OSBPL3: variants seen among roughly 807,000 people sequenced by gnomAD.
The protein encoded by OSBPL3 is oxysterol binding protein like 3, also known as oxysterol-binding protein-related protein 3.
A neutral mutation model predicts 120.1 loss-of-function variants in OSBPL3; 65 were observed. The observed-to-expected ratio is 0.54, with a 90% CI of 0.44 to 0.67. OSBPL3 has a LOEUF of 0.67. OSBPL3 is among the 30% of genes least tolerant of loss of function. The probability of loss-of-function intolerance (pLI) is 0.00; values close to 1 mark genes in which losing one functional copy is unlikely to be tolerated. For synonymous variants in OSBPL3, 416 were observed against 402.6 expected, an observed-to-expected ratio of 1.03 and a Z score of -0.40; for missense variants, 1,004 against 1,082.1, an observed-to-expected ratio of 0.93 and a Z score of 1.01.
intron 1 of OSBPL3, among the ~76,000 whole-genome samples, chr7:24,904,918 G>GGTGTGTGTGTGTGTGTGTGTGT (rs67222925): frequency 5.9e-4 from 78 of 132,948 alleles, no homozygotes; most frequent in Non-Finnish European, 7.5e-4. Flanking sequence ...ATAATATACA[G>GGTGTGTGTGTGTGTGTGTGTGT]GTGTGTGTGT....
rs903464894 is a variant in OSBPL3 at position 24,881,525 on chromosome 7, C to T, written c.97-9456G>A. 2.0e-5 allele frequency among the ~76,000 whole-genome samples: 3 copies of T among 152,066 alleles called. No homozygotes were observed. The highest frequency in any genetic ancestry group is 4.4e-5 in the Non-Finnish European group (3 of 68,024). The stretch of plus-strand genomic sequence containing the variant: ...ATTACAAATGTTAATAAAAGGGATA[C>T]CACAAGGTTGAAAATTTGTAAATTG... On this transcript the variant is annotated intron_variant, in intron 2 of 22. Coordinates refer to ENST00000313367, the MANE Select transcript of OSBPL3 (RefSeq NM_015550.4). The surrounding 1 kb of genome is among the most constrained non-coding windows in gnomAD (Gnocchi z 4.3).
At position 24,899,176 on chromosome 7, in the gene OSBPL3, C is replaced by G. The variant is rs117427275; in HGVS notation, c.-149-6555G>C. 0.011 allele frequency among the ~76,000 whole-genome samples: 1,740 copies of G among 152,294 alleles called. 12 individuals are homozygous for G. Among genetic ancestry groups the G allele is most frequent in the Non-Finnish European group, 0.019 (1,288 of 68,032 alleles). On this transcript the variant is annotated intron_variant, in intron 1 of 22. Coordinates refer to ENST00000313367, the MANE Select transcript of OSBPL3 (RefSeq NM_015550.4). This position sits in a 1 kb window ranked among gnomAD's most constrained non-coding sequence, Gnocchi z 4.0. ...TCCCAGATGTTCAACTTTGATCACC[C>G]TTCAATTTGTGCTTCTCTAACAGTG...
chr7:24,867,816 G>T lies in OSBPL3; in HGVS notation c.382-1579C>A, dbSNP rs748696544. Among the ~76,000 whole-genome samples the T allele has an allele frequency of 6.6e-6, 1 of 152,106 alleles. No individual in the cohort carries two copies. Among genetic ancestry groups the T allele is most frequent in the Non-Finnish European group, 1.5e-5 (1 of 68,012 alleles). ...ACTCTCAGAAATAAAGCACTATACA[G>T]CAATAGTATTATTTTTCTAACTTTT... On this transcript the variant is annotated intron_variant, in intron 5 of 22. Transcript: ENST00000313367. This position sits in a 1 kb window ranked among gnomAD's most constrained non-coding sequence, Gnocchi z 4.5.
Position 24,968,553 on chromosome 7 carries a change from C to A in OSBPL3, c.-150+11333G>T, listed in dbSNP as rs774060242. On this transcript the variant is annotated intron_variant, in intron 1 of 22. Transcript: ENST00000313367. The surrounding 1 kb of genome is among the most constrained non-coding windows in gnomAD (Gnocchi z 4.6). ...CCGGGATTACAGGCACACACCACCA[C>A]GCCCAGCTAATTTTTTTATTTTTAG... Among the ~76,000 whole-genome samples the A allele has an allele frequency of 6.6e-6, 1 of 152,176 alleles. No homozygotes were observed. Among genetic ancestry groups the A allele is most frequent in the Non-Finnish European group, 1.5e-5 (1 of 68,044 alleles).
rs964187746 is a variant in OSBPL3, at chr7:24,819,029, C to T, written c.1948+1146G>A. On this transcript the variant is annotated intron_variant, in intron 17 of 22. Transcript: ENST00000313367. The surrounding 1 kb of genome is among the most constrained non-coding windows in gnomAD (Gnocchi z 4.1). The stretch of plus-strand genomic sequence containing the variant: ...CAGCATTTTGGGAGGCCGAGGCAGG[C>T]GGATCACAAGGTCAAGAGATCAAGA... Among the ~76,000 whole-genome samples the T allele has an allele frequency of 1.3e-5, 2 of 151,764 alleles. No individual in the cohort carries two copies. Among genetic ancestry groups the T allele is most frequent in the Admixed American group, 6.6e-5 (1 of 15,202 alleles).
chr7:24,833,978 G>T lies in OSBPL3; in HGVS notation c.1746+508C>A. On this transcript the variant is annotated intron_variant, in intron 15 of 22. Coordinates refer to ENST00000313367, the MANE Select transcript of OSBPL3 (RefSeq NM_015550.4). The surrounding 1 kb of genome is among the most constrained non-coding windows in gnomAD (Gnocchi z 4.4). Reference sequence around the variant, plus strand: ...AAAATAAGAGGGAGAGAGAAAAAAAGAATATTTCTGATGTGAAAACCTCCT... The same window carrying T: ...AAAATAAGAGGGAGAGAGAAAAAAATAATATTTCTGATGTGAAAACCTCCT... 2 of 383,796 alleles carry T rather than the reference G, an allele frequency of 5.2e-6. No individual in the cohort carries two copies. The highest frequency in any genetic ancestry group is 7.1e-6 in the Non-Finnish European group (2 of 280,172). The allele number at this position is 383,796 out of a possible 1,614,324, so 23.8% of individuals were successfully genotyped here.
At position 24,803,178 on chromosome 7, in the gene OSBPL3, A is replaced by C. The variant is rs375392615; in HGVS notation, c.2567+1137T>G. On this transcript the variant is annotated intron_variant, in intron 22 of 22. Coordinates refer to ENST00000313367, the MANE Select transcript of OSBPL3 (RefSeq NM_015550.4). This position sits in a 1 kb window ranked among gnomAD's most constrained non-coding sequence, Gnocchi z 4.2. ...TGTTGTCCACTAAAAACAAACAAAAACACAAACAAAAAACATCCCAAAACA... is the reference window on the plus strand; with the variant it reads ...TGTTGTCCACTAAAAACAAACAAAACCACAAACAAAAAACATCCCAAAACA... Among the ~76,000 whole-genome samples the C allele has an allele frequency of 9.2e-5, 14 of 152,256 alleles. No homozygotes were observed. The highest frequency in any genetic ancestry group is 3.1e-4 in the African/African-American group (13 of 41,474).
At position 24,866,366 on chromosome 7, in the gene OSBPL3, A is replaced by G; in HGVS notation, c.382-129T>C. 6.9e-6 allele frequency: 5 copies of G among 727,002 alleles called. No homozygotes were observed. The South Asian group carries it at 8.0e-5, about 12-fold the overall frequency. 45.0% of individuals were successfully genotyped at this position (727,002 alleles called of 1,614,324 possible). A position where few individuals can be genotyped will look rare whatever the true frequency, so the allele number is the denominator to read the frequency against. On this transcript the variant is annotated intron_variant, in intron 5 of 22. Coordinates refer to ENST00000313367, the MANE Select transcript of OSBPL3 (RefSeq NM_015550.4). ...GCACGTAATTTCAACAGCCAGGCGC[A>G]GTGGCTGATGCCTGTAATTCCAGCA...
At chr7:24,844,261 T>G (rs1277674769) in intron 12 of OSBPL3, among the ~76,000 whole-genome samples, 1 of 152,238 alleles carries the variant, frequency 6.6e-6, no homozygotes, top group Non-Finnish European at 1.5e-5. Context: ...TACAAAAAGT[T>G]AAATCAAGCG....
chr7:24,900,321 T>C lies in OSBPL3; in HGVS notation c.-149-7700A>G, dbSNP rs113776443. Among the ~76,000 whole-genome samples the C allele has an allele frequency of 1.3e-5, 2 of 152,358 alleles. No homozygotes were observed. Among genetic ancestry groups the C allele is most frequent in the African/African-American group, 4.8e-5 (2 of 41,586 alleles). On this transcript the variant is annotated intron_variant, in intron 1 of 22. Transcript: ENST00000313367. This position sits in a 1 kb window ranked among gnomAD's most constrained non-coding sequence, Gnocchi z 4.5. Reference sequence around the variant, plus strand: ...CAGGTCCTCGAGTAATGTTGTTTTATTTAACTTTGTTATTTAGAAGTTTGG... The same window carrying C: ...CAGGTCCTCGAGTAATGTTGTTTTACTTAACTTTGTTATTTAGAAGTTTGG...
At position 24,852,197 on chromosome 7, in the gene OSBPL3, T is replaced by C. The variant is rs1325336733; in HGVS notation, c.1158+307A>G. On this transcript the variant is annotated intron_variant, in intron 11 of 22. Coordinates refer to ENST00000313367, the MANE Select transcript of OSBPL3 (RefSeq NM_015550.4). This position sits in a 1 kb window ranked among gnomAD's most constrained non-coding sequence, Gnocchi z 4.1. ...GATTTTGTAAGCATTAACAGAAAAA[T>C]GTCTGTAAGACACGCACACATACAC... 6.6e-6 allele frequency among the ~76,000 whole-genome samples: 1 copy of C among 152,108 alleles called. No homozygotes were observed. The highest frequency in any genetic ancestry group is 2.4e-5 in the African/African-American group (1 of 41,408).
rs1327476266 is a variant in OSBPL3 at position 24,854,736 on chromosome 7, A to G, written c.1028-2102T>C. Among the ~76,000 whole-genome samples the G allele has an allele frequency of 2.0e-5, 3 of 152,174 alleles. No homozygotes were observed. Among genetic ancestry groups the G allele is most frequent in the African/African-American group, 7.2e-5 (3 of 41,434 alleles). ...TGGATTCTTCCCCACTCCATCACCT[A>G]TTAACTCCATGACCTTGGATGAGTA... On this transcript the variant is annotated intron_variant, in intron 10 of 22. Transcript: ENST00000313367. The surrounding 1 kb of genome is among the most constrained non-coding windows in gnomAD (Gnocchi z 4.1).
rs139081664 is a variant in OSBPL3 at position 24,893,183 on chromosome 7, T to C, written c.-149-562A>G. On this transcript the variant is annotated intron_variant, in intron 1 of 22. Transcript: ENST00000313367. ...ACAAAAAGTTGCAGACCAATGTTCA[T>C]AGCAATGTTATTCACAATAGTCAAA... 1.5e-3 allele frequency among the ~76,000 whole-genome samples: 228 copies of C among 152,306 alleles called. 1 individual carries two copies. Among genetic ancestry groups the C allele is most frequent in the African/African-American group, 5.2e-3 (216 of 41,574 alleles).
chr7:24,871,053 G>C lies in OSBPL3; in HGVS notation c.268-208C>G, dbSNP rs1449559852. Among the ~76,000 whole-genome samples the C allele has an allele frequency of 6.6e-6, 1 of 152,224 alleles. No homozygotes were observed. The highest frequency in any genetic ancestry group is 1.5e-5 in the Non-Finnish European group (1 of 68,044). On this transcript the variant is annotated intron_variant, in intron 4 of 22. Transcript: ENST00000313367. This position sits in a 1 kb window ranked among gnomAD's most constrained non-coding sequence, Gnocchi z 4.8. Reference sequence around the variant, plus strand: ...TAGGAAGTACTCTCCCCATTTTACAGATGAAGAAACTGGAGTACAAAGGGG... The same window carrying C: ...TAGGAAGTACTCTCCCCATTTTACACATGAAGAAACTGGAGTACAAAGGGG...
At chr7:24,838,899 T>C (rs1032438606) in intron 14 of OSBPL3, among the ~76,000 whole-genome samples, 22 of 148,132 alleles carry the variant, frequency 1.5e-4, no homozygotes, top group African/African-American at 4.9e-4. Flanking sequence ...ACCCACTGGT[T>C]CTTAGACCTT....
intron 1 of OSBPL3, among the ~76,000 whole-genome samples, chr7:24,931,484 T>C (rs768675542): frequency 3.3e-5 from 5 of 151,902 alleles, no homozygotes; most frequent in African/African-American, 7.3e-5. Context: ...AATGTGATGA[T>C]GGAAACAGAG....
intron 1 of OSBPL3, among the ~76,000 whole-genome samples, chr7:24,945,069 G>A (rs528688477): frequency 4.3e-4 from 66 of 152,244 alleles, no homozygotes; most frequent in African/African-American, 1.5e-3. Context: ...TGAGTATCAA[G>A]TCTTGGGTGG....
chr7:24,809,970 G>C lies in OSBPL3; in HGVS notation c.2173-19C>G. On this transcript the variant is annotated intron_variant, in intron 19 of 22. Transcript: ENST00000313367. Reference sequence around the variant, plus strand: ...ATTTTGCCTAGGATTCAAATGAGTTGTTGGCTTAGTCCTTTAGCATCAGCT... The same window carrying C: ...ATTTTGCCTAGGATTCAAATGAGTTCTTGGCTTAGTCCTTTAGCATCAGCT... 6.2e-7 allele frequency: 1 copy of C among 1,613,776 alleles called. No homozygotes were observed. Among genetic ancestry groups the C allele is most frequent in the Non-Finnish European group, 8.5e-7 (1 of 1,179,654 alleles).
In OSBPL3 at chr7:24,966,482, T is replaced by A. The variant is rs1379686829; in HGVS notation, c.-150+13404A>T. 1.3e-5 allele frequency among the ~76,000 whole-genome samples: 2 copies of A among 152,150 alleles called. No individual in the cohort carries two copies. The highest frequency in any genetic ancestry group is 3.8e-4 in the East Asian group (2 of 5,206). On this transcript the variant is annotated intron_variant, in intron 1 of 22. Transcript: ENST00000313367. This position sits in a 1 kb window ranked among gnomAD's most constrained non-coding sequence, Gnocchi z 4.8. Reference sequence around the variant, plus strand: ...AAGTAACAAACAAGCTGGAATGTTATTTTGCCCCACGCGATCAAAGACTAG... The same window carrying A: ...AAGTAACAAACAAGCTGGAATGTTAATTTGCCCCACGCGATCAAAGACTAG...
Sources: gnomAD v4.1 joint callset for allele counts (sites outside exome capture counted in the v4.1 genomes callset) on GRCh38, gnomAD v4.1.1 for gene constraint, Gnocchi (gnomAD v3.1) non-coding constraint, MANE v1.5 for transcripts, NCBI Gene and HGNC (gene_info 2026-07-23, HGNC 2026-07-21) for gene names.